Variants in NAALADL2 observed in about 807,000 individuals in gnomAD.
NAALADL2 encodes the protein N-acetylated alpha-linked acidic dipeptidase like 2.
A neutral mutation model predicts 87.2 loss-of-function variants in NAALADL2; 76 were observed. That is an observed-to-expected ratio of 0.87 (90% CI 0.72 to 1.05). NAALADL2 has a LOEUF of 1.05. Among genes scored for constraint, NAALADL2 ranks in the 50% least tolerant of loss-of-function variants. The pLI is 0.00. For synonymous variants in NAALADL2, 354 were observed against 331.0 expected (o/e 1.07, Z -0.75); for missense variants, 1,089 against 945.8 (o/e 1.15, Z -1.99).
intron 11 of NAALADL2, among the ~76,000 whole-genome samples, chr3:175,732,217 G>A (rs988925494): frequency 6.6e-6 from 1 of 152,102 alleles, no homozygotes; most frequent in African/African-American, 2.4e-5. Context: ...CTGACAACAG[G>A]CAGGCTAATA....
chr3:174,699,558 T>C (rs1650571332), intron 2 of NAALADL2, among the ~76,000 whole-genome samples: 1 of 152,180 alleles, frequency 6.6e-6, no homozygotes, highest in Non-Finnish European at 1.5e-5. Flanking sequence ...CCAATTATAT[T>C]TTATTACTCA....
At chr3:175,327,714 T>G (rs1760908671) in intron 5 of NAALADL2, among the ~76,000 whole-genome samples, 2 of 141,682 alleles carry the variant, frequency 1.4e-5, no homozygotes. Context: ...GGAAGATAAA[T>G]AAATGGGGGG....
chr3:174,806,950 A>G (rs539914668), intron 3 of NAALADL2, among the ~76,000 whole-genome samples: 1 of 152,290 alleles, frequency 6.6e-6, no homozygotes, highest in Non-Finnish European at 1.5e-5. Flanking sequence ...GTCCTTAGTT[A>G]TAGATTAGGG....
chr3:174,639,632 G>T (rs1722978501), intron 2 of NAALADL2, among the ~76,000 whole-genome samples: 1 of 152,106 alleles, frequency 6.6e-6, no homozygotes, highest in Non-Finnish European at 1.5e-5. Context: ...CTGATTCTTA[G>T]GCTCAGCCTG....
chr3:175,160,304 C>T (rs1230776631), intron 2 of NAALADL2, among the ~76,000 whole-genome samples: 3 of 138,868 alleles, frequency 2.2e-5, no homozygotes, highest in Non-Finnish European at 4.7e-5. Context: ...CAATTGTTTA[C>T]AAAAGGCTTA....
chr3:175,655,762 C>A (rs967035125), intron 11 of NAALADL2, among the ~76,000 whole-genome samples: 2 of 152,024 alleles, frequency 1.3e-5, no homozygotes, highest in African/African-American at 4.8e-5. Context: ...AGTATCAGAT[C>A]AGGTTGTCAT....
At chr3:175,797,381 T>C (rs1447579445) in intron 13 of NAALADL2, among the ~76,000 whole-genome samples, 2 of 152,142 alleles carry the variant, frequency 1.3e-5, no homozygotes, top group African/African-American at 2.4e-5. Flanking sequence ...ATGTTCTGTG[T>C]ATGCAAATAA....
In NAALADL2 at chr3:175,592,892, TAATAA is replaced by T. The variant is rs546364311; in HGVS notation, c.1800+16713_1800+16717del. Among the ~76,000 whole-genome samples the T allele has an allele frequency of 5.9e-3, 897 of 151,896 alleles. 6 individuals are homozygous for T. Among genetic ancestry groups the T allele is most frequent in the Non-Finnish European group, 8.0e-3 (541 of 67,900 alleles). The stretch of plus-strand genomic sequence containing the variant: ...TACCCTAAAACTTAAAGTATAATAA[TAATAA>T]AATAAAAAAAAGAAAAAAAAGCTGT... On this transcript the variant is annotated intron_variant, in intron 10 of 13. Coordinates refer to ENST00000454872, the MANE Select transcript of NAALADL2 (RefSeq NM_207015.3).
At chr3:174,761,917 A>G (rs1713027859) in intron 3 of NAALADL2, among the ~76,000 whole-genome samples, 1 of 151,966 alleles carries the variant, frequency 6.6e-6, no homozygotes, top group African/African-American at 2.4e-5. Context: ...CAAAGCCTGC[A>G]ATTGCTTTTG....
intron 13 of NAALADL2, among the ~76,000 whole-genome samples, chr3:175,769,782 A>C (rs1313509337): frequency 1.3e-5 from 2 of 151,896 alleles, no homozygotes; most frequent in South Asian, 4.2e-4. Flanking sequence ...AATTTTAAGG[A>C]ACTGGTTCAT....
At chr3:175,246,584 A>G (rs930455557) in intron 3 of NAALADL2, among the ~76,000 whole-genome samples, 2 of 152,204 alleles carry the variant, frequency 1.3e-5, no homozygotes, top group South Asian at 2.1e-4. Context: ...GTGGAGTCCC[A>G]GCCACCCACA....
chr3:174,810,892 G>A (rs1720104277), intron 3 of NAALADL2, among the ~76,000 whole-genome samples: 1 of 152,160 alleles, frequency 6.6e-6, no homozygotes, highest in Non-Finnish European at 1.5e-5. Flanking sequence ...TCATGGACCA[G>A]ACCTAGGGCC....
chr3:174,727,709 C>T (rs1191756543), intron 2 of NAALADL2, among the ~76,000 whole-genome samples: 2 of 152,012 alleles, frequency 1.3e-5, no homozygotes, highest in Admixed American at 6.6e-5. Flanking sequence ...GTTGATGAAC[C>T]AATGTTGACA....
At chr3:174,928,167 A>G (rs1437439081) in intron 1 of NAALADL2, among the ~76,000 whole-genome samples, 1 of 152,222 alleles carries the variant, frequency 6.6e-6, no homozygotes, top group Non-Finnish European at 1.5e-5. Flanking sequence ...CACCATGTAC[A>G]TTTAACAATG....
At chr3:175,345,386 T>C (rs966749870) in intron 5 of NAALADL2, among the ~76,000 whole-genome samples, 1 of 152,116 alleles carries the variant, frequency 6.6e-6, no homozygotes, top group Admixed American at 6.6e-5. Flanking sequence ...TAGTACCGTC[T>C]GATGAATCTT....
intron 1 of NAALADL2, among the ~76,000 whole-genome samples, chr3:174,878,014 A>G (rs944197599): frequency 6.6e-6 from 1 of 152,028 alleles, no homozygotes; most frequent in African/African-American, 2.4e-5. Context: ...TTAGCTTTCT[A>G]TGTATATATT....
intron 1 of NAALADL2, among the ~76,000 whole-genome samples, chr3:174,515,165 T>C (rs924280206): frequency 6.6e-6 from 1 of 152,046 alleles, no homozygotes; most frequent in African/African-American, 2.4e-5. Flanking sequence ...GGCATTCAGG[T>C]TGGGAGATGC....
intron 2 of NAALADL2, among the ~76,000 whole-genome samples, chr3:174,586,306 T>G (rs779674026): frequency 7.9e-5 from 12 of 152,282 alleles, no homozygotes; most frequent in Non-Finnish European, 1.5e-4. Flanking sequence ...ATTTTTTTTA[T>G]TTTTAAAAAT....
chr3:175,674,753 T>TA (rs1030872007), intron 11 of NAALADL2, among the ~76,000 whole-genome samples: 27 of 151,940 alleles, frequency 1.8e-4, no homozygotes, highest in Admixed American at 3.3e-4. Context: ...TAAAATAAAG[T>TA]AAAAAAAAGA....
Sources: allele counts gnomAD v4.1 joint callset (sites outside exome capture counted in the v4.1 genomes callset), GRCh38; gene constraint gnomAD v4.1.1; transcripts MANE v1.5; gene names NCBI Gene and HGNC (gene_info 2026-07-23, HGNC 2026-07-21).